SLIT1: variants seen among roughly 807,000 people sequenced by gnomAD.
The protein encoded by SLIT1 is slit guidance ligand 1, also known as slit homolog 1 protein.
Under a neutral mutation model 186.1 loss-of-function variants are expected in SLIT1, and 66 were observed. That is an observed-to-expected ratio of 0.35 (90% confidence interval 0.29 to 0.44). The LOEUF is 0.44. Ranked by LOEUF, SLIT1 falls within the 20% of genes least tolerant of loss-of-function variation. SLIT1 has a pLI of 1.00. For missense variants in SLIT1, 1,638 were observed against 2,037.4 expected, an observed-to-expected ratio of 0.80 and a Z score of 3.77; for synonymous variants, 761 against 833.8, an observed-to-expected ratio of 0.91 and a Z score of 1.50.
intron 4 of SLIT1, among the ~76,000 whole-genome samples, chr10:97,075,186 G>C (rs1208366619): frequency 6.6e-6 from 1 of 152,228 alleles, no homozygotes; most frequent in Non-Finnish European, 1.5e-5. Flanking sequence ...GGGTACCAGG[G>C]CACCTCATCT....
intron 25 of SLIT1, 132 bp downstream of exon 25, chr10:97,030,625 C>A (rs111561050): frequency 1.4e-6 from 1 of 713,626 alleles, no homozygotes. Context: ...AGAAGGTGCA[C>A]GTGGGAAGTT....
At chr10:97,020,860 G>C (rs147435380) in intron 26 of SLIT1, among the ~76,000 whole-genome samples, 2 of 152,226 alleles carry the variant, frequency 1.3e-5, no homozygotes, top group Non-Finnish European at 2.9e-5. Context: ...TGTAAATGTC[G>C]GGAGAGTGGC....
At chr10:97,050,538 C>T (rs1848777528) in intron 13 of SLIT1, among the ~76,000 whole-genome samples, 1 of 152,224 alleles carries the variant, frequency 6.6e-6, no homozygotes, top group South Asian at 2.1e-4. Context: ...CTGCATCAAG[C>T]TCAACATTCA....
intron 4 of SLIT1, among the ~76,000 whole-genome samples, chr10:97,114,905 T>G (rs1849495829): frequency 6.6e-6 from 1 of 152,202 alleles, no homozygotes; most frequent in Non-Finnish European, 1.5e-5. Context: ...ATAAAGTTGT[T>G]GAGAGGATTC....
At chr10:97,098,321 G>A (rs941560325) in intron 4 of SLIT1, among the ~76,000 whole-genome samples, 1 of 152,220 alleles carries the variant, frequency 6.6e-6, no homozygotes, top group Non-Finnish European at 1.5e-5. Flanking sequence ...TCCCAACTCA[G>A]AGCTGGGGAA....
At chr10:97,148,757 A>C (rs1333311652) in intron 4 of SLIT1, among the ~76,000 whole-genome samples, 2 of 152,208 alleles carry the variant, frequency 1.3e-5, no homozygotes, top group Admixed American at 6.5e-5. Context: ...TTTCAAAGAA[A>C]TTTTATTTTT....
At chr10:97,166,579 G>A (rs1343082579) in intron 1 of SLIT1, among the ~76,000 whole-genome samples, 1 of 76,700 alleles carries the variant, frequency 1.3e-5, no homozygotes, top group Non-Finnish European at 2.7e-5. Context: ...GAGAAAGAAA[G>A]AAAGAAAGAA....
In SLIT1 at chr10:97,002,196, A is replaced by G. The variant is rs1485702979; in HGVS notation, c.4328T>C (p.Val1443Ala). Residue 1443 changes from valine to alanine, a missense_variant, in exon 36 of 37, where the codon GTG (valine) becomes GCG (alanine). Physicochemically the swap from Val to Ala is moderately conservative, Grantham distance 64. This residue lies in a region of SLIT1 where 220 missense variants were observed against 211.3 expected (regional missense o/e 1.04). Coordinates refer to ENST00000266058, the MANE Select transcript of SLIT1 (RefSeq NM_003061.3). ...CTCGCCCGAAAAGCCGGGGTCACAC[A>G]CACAGTGTGCCCCCTTGGTGCCTGA... ...QASGTKGAHC[V>A]CDPGFSGELC... 1 of 1,557,574 alleles carries G rather than the reference A, an allele frequency of 6.4e-7. No homozygotes were observed.
At chr10:97,185,411 C>T (rs1850398132) in intron 1 of SLIT1, 67 bp downstream of exon 1, 1 of 1,505,874 alleles carries the variant, frequency 6.6e-7, no homozygotes, top group East Asian at 2.4e-5. Flanking sequence ...ACCCCCAAGT[C>T]CGGAATTGCG....
intron 22 of SLIT1, among the ~76,000 whole-genome samples, chr10:97,036,012 T>G (rs1356122738): frequency 6.6e-6 from 1 of 152,080 alleles, no homozygotes; most frequent in Admixed American, 6.6e-5. Context: ...CACGACTTTA[T>G]GCGCTCCCTC....
rs1440758042 is a variant in SLIT1, at chr10:97,047,672, G to C, written c.1634+18C>G. ...CAGTTAGGGACAGGGGAGGGCTGGG[G>C]GGGCCAGGGACCCTCACAGTTCTGC... On this transcript the variant is annotated intron_variant, in intron 16 of 36. Coordinates refer to ENST00000266058, the MANE Select transcript of SLIT1 (RefSeq NM_003061.3). 3.1e-6 allele frequency: 5 copies of C among 1,611,480 alleles called. No homozygotes were observed. The highest frequency in any genetic ancestry group is 4.2e-6 in the Non-Finnish European group (5 of 1,178,812).
chr10:97,076,987 C>T (rs112504165), intron 4 of SLIT1, among the ~76,000 whole-genome samples: 6 of 152,162 alleles, frequency 3.9e-5, no homozygotes, highest in African/African-American at 1.2e-4. Context: ...AGGACGGAAC[C>T]GGGGGCCGTG....
chr10:97,163,348 GC>G (rs1157004966), intron 3 of SLIT1, 31 bp downstream of exon 3: 2 of 1,592,874 alleles, frequency 1.3e-6, no homozygotes, highest in Non-Finnish European at 1.7e-6. Context: ...CCAGCCCCCC[GC>G]CCTCCTGGCC....
At chr10:97,084,124 G>A (rs1373799201) in intron 4 of SLIT1, among the ~76,000 whole-genome samples, 2 of 152,246 alleles carry the variant, frequency 1.3e-5, no homozygotes, top group Non-Finnish European at 2.9e-5. Flanking sequence ...CAGGCAGAGG[G>A]TGGGTGGCTC....
chr10:97,174,138 T>C (rs1021949702), intron 1 of SLIT1, among the ~76,000 whole-genome samples: 10 of 152,172 alleles, frequency 6.6e-5, no homozygotes, highest in Non-Finnish European at 1.3e-4. Flanking sequence ...GGTGCCCACT[T>C]ATCTCCTCTG....
At position 97,163,430 on chromosome 10, in the gene SLIT1, A is replaced by G. The variant is rs747227946; in HGVS notation, c.291T>C (p.Ile97=). 6.2e-6 allele frequency: 10 copies of G among 1,614,076 alleles called. No homozygotes were observed. The African/African-American group carries it at 6.7e-5, about 11-fold the overall frequency. The part of the protein sequence containing the change: ...LRVLQLMENQ[I]GAVERGAFDD... ...CAAAAGCACCACGTTCCACTGCTCC[A>G]ATCTGGTTCTCCATCAGCTGCCTGG... Residue 97 remains isoleucine (I), a synonymous_variant, in exon 3 of 37, where the codon ATT becomes ATC. Transcript: ENST00000266058.
At chr10:97,125,448 C>T (rs1184204733) in intron 4 of SLIT1, among the ~76,000 whole-genome samples, 1 of 150,802 alleles carries the variant, frequency 6.6e-6, no homozygotes, top group Non-Finnish European at 1.5e-5. Context: ...ATGGGAGAAT[C>T]GCTTGAGCTC....
intron 1 of SLIT1, among the ~76,000 whole-genome samples, chr10:97,167,708 C>T (rs1850138313): frequency 6.6e-6 from 1 of 152,148 alleles, no homozygotes; most frequent in South Asian, 2.1e-4. Flanking sequence ...TTGTAGTTCC[C>T]ATAATCCCCA....
At chr10:97,093,126 T>G (rs536805477) in intron 4 of SLIT1, among the ~76,000 whole-genome samples, 1 of 152,064 alleles carries the variant, frequency 6.6e-6, no homozygotes, top group Non-Finnish European at 1.5e-5. Flanking sequence ...AGAAAAAAAC[T>G]GTAAGGTGGT....
Sources: allele counts gnomAD v4.1 joint callset (sites outside exome capture counted in the v4.1 genomes callset), GRCh38; gene constraint gnomAD v4.1.1; regional missense constraint gnomAD v4.1.1; transcripts MANE v1.5; gene names NCBI Gene and HGNC (gene_info 2026-07-23, HGNC 2026-07-21).